Variants in SLC12A5 observed in about 807,000 individuals in gnomAD.
SLC12A5 encodes solute carrier family 12 member 5.
A neutral mutation model predicts 124.0 loss-of-function variants in SLC12A5; 18 were observed. The ratio of observed to expected loss-of-function variants is 0.15; its 90% confidence interval spans 0.10 to 0.22. The LOEUF (loss-of-function observed/expected upper bound fraction) is 0.22. Among genes scored for constraint, SLC12A5 ranks in the 10% least tolerant of loss-of-function variants. SLC12A5 has a pLI of 1.00. For missense variants in SLC12A5, 867 were observed against 1,478.7 expected (o/e 0.59, Z 6.78); for synonymous variants, 589 against 568.0 (o/e 1.04, Z -0.53).
chr20:46,029,234 T>C lies in SLC12A5; in HGVS notation c.-111T>C. ...GCGGGCACTGCAGCTTCTTCCTCCG[T>C]GGAGCGGAGAGCGAGACAGAGCTAC... On this transcript the variant is annotated 5_prime_UTR_variant, in exon 1 of 26. Transcript: ENST00000243964. The C allele has an allele frequency of 1.4e-6, 2 of 1,451,764 alleles. No individual in the cohort carries two copies. Among genetic ancestry groups the C allele is most frequent in the Non-Finnish European group, 1.8e-6 (2 of 1,100,838 alleles). The allele number at this position is 1,451,764 out of a possible 1,614,324, so 89.9% of individuals were successfully genotyped here. A position where few individuals can be genotyped will look rare whatever the true frequency, so the allele number is the denominator to read the frequency against.
At position 46,045,767 on chromosome 20, in the gene SLC12A5, C is replaced by T. The variant is rs561105018; in HGVS notation, c.1570-111C>T. 39 of 791,366 alleles carry T rather than the reference C, an allele frequency of 4.9e-5. No homozygotes were observed. The highest frequency in any genetic ancestry group is 4.7e-4 in the Middle Eastern group (2 of 4,260). The allele number at this position is 791,366 out of a possible 1,614,324, so 49.0% of individuals were successfully genotyped here. A position where few individuals can be genotyped will look rare whatever the true frequency, so the allele number is the denominator to read the frequency against. ...GAAGAGAAATGCATCCTCTCCCTTCCTCCTCTTTGGTGATAGGATTCCTGC... is the reference window on the plus strand; with the variant it reads ...GAAGAGAAATGCATCCTCTCCCTTCTTCCTCTTTGGTGATAGGATTCCTGC... On this transcript the variant is annotated intron_variant, in intron 12 of 25. Coordinates refer to ENST00000243964, the MANE Select transcript of SLC12A5 (RefSeq NM_020708.5). This position sits in a 1 kb window ranked among gnomAD's most constrained non-coding sequence, Gnocchi z 4.9.
chr20:46,052,589 G>A (rs961759310), intron 18 of SLC12A5, among the ~76,000 whole-genome samples: 4 of 152,200 alleles, frequency 2.6e-5, no homozygotes, highest in Non-Finnish European at 5.9e-5. Context: ...CCAGCCCGGA[G>A]GCTACACTGT....
Position 46,059,344 on chromosome 20 carries a change from G to C in SLC12A5, c.*1739G>C, listed in dbSNP as rs1307985423. 2 of 380,698 alleles carry C rather than the reference G, an allele frequency of 5.3e-6. No individual in the cohort carries two copies. Among genetic ancestry groups the C allele is most frequent in the African/African-American group, 2.1e-5 (1 of 48,366 alleles). The allele number at this position is 380,698 out of a possible 1,614,324, so 23.6% of individuals were successfully genotyped here. ...GTCAGGTGTGGCTGGGGTAGGTTTG[G>C]AGGTCTGCCAGTTACACCAAGTCCC... On this transcript the variant is annotated 3_prime_UTR_variant, in exon 26 of 26. Coordinates refer to ENST00000243964, the MANE Select transcript of SLC12A5 (RefSeq NM_020708.5).
rs953008856 is a variant in SLC12A5 at position 46,052,944 on chromosome 20, T to G, written c.2378-13T>G. 14 of 1,600,526 alleles carry G rather than the reference T, an allele frequency of 8.7e-6. No individual in the cohort carries two copies. The highest frequency in any genetic ancestry group is 1.2e-5 in the Non-Finnish European group (14 of 1,169,534). On this transcript the variant is annotated splice_polypyrimidine_tract_variant and intron_variant, in intron 18 of 25. Coordinates refer to ENST00000243964, the MANE Select transcript of SLC12A5 (RefSeq NM_020708.5). ...CTGTTTCCCCCTCTGGCCCTCTCCT[T>G]GGCCTCCCTCAGAGCTGGTCCGGGA...
Position 46,048,032 on chromosome 20 carries a change from T to A in SLC12A5, c.1959T>A (p.Ala653=), listed in dbSNP as rs558550326. Residue 653 remains alanine, a synonymous_variant, in exon 16 of 26, where the codon GCT becomes GCA. Coordinates refer to ENST00000243964, the MANE Select transcript of SLC12A5 (RefSeq NM_020708.5). The part of the protein sequence containing the change: ...DGIRGLSLSA[A]RYALLRLEEG... ...TACGAGGTCTGTCTCTCAGTGCGGC[T>A]CGCTATGCCCTCTTACGCCTGGAGG... 3 of 1,613,102 alleles carry A rather than the reference T, an allele frequency of 1.9e-6. No individual in the cohort carries two copies. Among genetic ancestry groups the A allele is most frequent in the African/African-American group, 2.7e-5 (2 of 74,990 alleles).
In SLC12A5 at chr20:46,045,451, T is replaced by C. The variant is rs901539901; in HGVS notation, c.1569+311T>C. On this transcript the variant is annotated intron_variant, in intron 12 of 25. Coordinates refer to ENST00000243964, the MANE Select transcript of SLC12A5 (RefSeq NM_020708.5). This position sits in a 1 kb window ranked among gnomAD's most constrained non-coding sequence, Gnocchi z 4.9. ...GTGCATCCCTTGGAGCACTGTCTGC[T>C]CTTGGGGAAAAAATAAATGGCCCTG... 1.5e-4 allele frequency among the ~76,000 whole-genome samples: 23 copies of C among 152,092 alleles called. No homozygotes were observed. Among genetic ancestry groups the C allele is most frequent in the African/African-American group, 5.6e-4 (23 of 41,420 alleles).
upstream of SLC12A5, chr20:46,029,092 C>T: frequency 7.6e-7 from 1 of 1,318,186 alleles, no homozygotes; most frequent in Non-Finnish European, 9.7e-7. Context: ...CCCCCCAAAA[C>T]CCCGCCAGTG....
In SLC12A5 at chr20:46,056,493, G is replaced by T; in HGVS notation, c.3039G>T (p.Ser1013=). 1.2e-6 allele frequency: 2 copies of T among 1,614,158 alleles called. No homozygotes were observed. Among genetic ancestry groups the T allele is most frequent in the East Asian group, 2.2e-5 (1 of 44,882 alleles). ...KVHLTWTKDK[S]VAEKNKGPSP... ...ATCTCACCTGGACCAAGGACAAGTCGGTGGCAGAGAAGAATAAGGGCCCCA... is the reference window on the plus strand; with the variant it reads ...ATCTCACCTGGACCAAGGACAAGTCTGTGGCAGAGAAGAATAAGGGCCCCA... Residue 1013 remains serine, a synonymous_variant, in exon 23 of 26, where the codon TCG becomes TCT. Transcript: ENST00000243964. The surrounding 1 kb of genome is among the most constrained non-coding windows in gnomAD (Gnocchi z 4.3).
At chr20:46,030,726 C>T (rs1568856476) in intron 1 of SLC12A5, among the ~76,000 whole-genome samples, 1 of 152,074 alleles carries the variant, frequency 6.6e-6, no homozygotes, top group Non-Finnish European at 1.5e-5. Flanking sequence ...TGAGGTCCTC[C>T]GGATCCTGGA....
chr20:46,048,633 G>A (rs187255470), intron 16 of SLC12A5, among the ~76,000 whole-genome samples: 30 of 152,268 alleles, frequency 2.0e-4, no homozygotes, highest in Non-Finnish European at 3.8e-4. Flanking sequence ...CAGTTTGGGA[G>A]GCTGAGGCAG....
intron 2 of SLC12A5, 181 bp downstream of exon 2, chr20:46,035,223 G>T: frequency 1.0e-6 from 1 of 984,012 alleles, no homozygotes; most frequent in Non-Finnish European, 1.6e-6. Flanking sequence ...TCTGCTCCCT[G>T]CCCTCTCCTC....
At chr20:46,029,540 T>G in intron 1 of SLC12A5, 144 bp downstream of exon 1, 1 of 887,338 alleles carries the variant, frequency 1.1e-6, no homozygotes. Context: ...AGCCTGGAGC[T>G]CAGCTCCATT....
At chr20:46,038,910 TGAG>T (rs2084520731) in intron 6 of SLC12A5, among the ~76,000 whole-genome samples, 1 of 152,216 alleles carries the variant, frequency 6.6e-6, no homozygotes, top group African/African-American at 2.4e-5. Context: ...ATGAAAGGCC[TGAG>T]GAGGCAAATG....
At position 46,045,202 on chromosome 20, in the gene SLC12A5, CCA is replaced by C; in HGVS notation, c.1569+67_1569+68del. 6.7e-7 allele frequency: 1 copy of C among 1,503,566 alleles called. No individual in the cohort carries two copies. Among genetic ancestry groups the C allele is most frequent in the Non-Finnish European group, 8.8e-7 (1 of 1,130,032 alleles). 93.1% of individuals were successfully genotyped at this position (1,503,566 alleles called of 1,614,324 possible). ...CCAGCCAGGCCCCTGCCCAGAGAGA[CCA>C]CACAGTGACCCAGGGCCATAACCAG... On this transcript the variant is annotated intron_variant, in intron 12 of 25. Transcript: ENST00000243964. The surrounding 1 kb of genome is among the most constrained non-coding windows in gnomAD (Gnocchi z 4.9).
intron 18 of SLC12A5, among the ~76,000 whole-genome samples, chr20:46,052,252 G>A (rs1013593159): frequency 4.6e-5 from 7 of 152,210 alleles, no homozygotes; most frequent in African/African-American, 9.7e-5. Context: ...CTTGGTAATC[G>A]TAGGTAATAG....
intron 17 of SLC12A5, 114 bp downstream of exon 17, chr20:46,049,904 A>G (rs937938025): frequency 7.7e-7 from 1 of 1,295,500 alleles, no homozygotes. Flanking sequence ...AAGTGCAGGC[A>G]TTTCTTTTCT....
Position 46,045,826 on chromosome 20 carries a change from G to A in SLC12A5, c.1570-52G>A. ...CACTGGTTCCCGAGGCTAGGGGAGAGGGCTGAGAAATCCTTGAGGTCTCAG... is the reference window on the plus strand; with the variant it reads ...CACTGGTTCCCGAGGCTAGGGGAGAAGGCTGAGAAATCCTTGAGGTCTCAG... On this transcript the variant is annotated intron_variant, in intron 12 of 25. Coordinates refer to ENST00000243964, the MANE Select transcript of SLC12A5 (RefSeq NM_020708.5). This position sits in a 1 kb window ranked among gnomAD's most constrained non-coding sequence, Gnocchi z 4.9. 4.0e-6 allele frequency: 6 copies of A among 1,494,292 alleles called. 1 individual carries two copies. The highest frequency in any genetic ancestry group is 5.6e-6 in the Non-Finnish European group (6 of 1,074,224). The allele number at this position is 1,494,292 out of a possible 1,614,324, so 92.6% of individuals were successfully genotyped here.
intron 9 of SLC12A5, 107 bp downstream of exon 9, chr20:46,043,430 C>T: frequency 1.4e-6 from 2 of 1,393,414 alleles, no homozygotes; most frequent in Admixed American, 3.8e-5. Context: ...ATCATGAAAG[C>T]AACCGTAACA....
At chr20:46,048,507 G>A (rs559035635) in intron 16 of SLC12A5, among the ~76,000 whole-genome samples, 14 of 152,142 alleles carry the variant, frequency 9.2e-5, no homozygotes, top group Non-Finnish European at 1.2e-4. Flanking sequence ...AGGTGGAATC[G>A]TTCCCTTTGA....
Sources: gnomAD v4.1 joint callset for allele counts (sites outside exome capture counted in the v4.1 genomes callset) on GRCh38, gnomAD v4.1.1 for gene constraint, Gnocchi (gnomAD v3.1) non-coding constraint, MANE v1.5 for transcripts, NCBI Gene and HGNC (gene_info 2026-07-23, HGNC 2026-07-21) for gene names.